The following STXBP4 variants were observed in gnomAD, a reference collection of about 807,000 sequenced individuals.
STXBP4 encodes the protein syntaxin binding protein 4.
STXBP4 carries 55 observed loss-of-function variants against 76.1 expected under a neutral mutation model. The ratio of observed to expected loss-of-function variants is 0.72; its 90% confidence interval spans 0.58 to 0.91. The LOEUF (loss-of-function observed/expected upper bound fraction) is 0.91. Among genes scored for constraint, STXBP4 ranks in the 40% least tolerant of loss-of-function variants. The probability of loss-of-function intolerance (pLI) is 0.00; values close to 1 mark genes in which losing one functional copy is unlikely to be tolerated. For synonymous variants in STXBP4, 201 were observed against 220.2 expected (o/e 0.91, Z 0.77); for missense variants, 618 against 636.9 (o/e 0.97, Z 0.32).
At chr17:55,053,580 A>G (rs1448540895) in intron 12 of STXBP4, among the ~76,000 whole-genome samples, 1 of 152,182 alleles carries the variant, frequency 6.6e-6, no homozygotes, top group Non-Finnish European at 1.5e-5. Context: ...GATATTCTTT[A>G]TACTATTCTT....
chr17:55,189,022 A>G, the STXBP4 span, among the ~76,000 whole-genome samples: 246 of 152,154 alleles, frequency 1.6e-3, 1 homozygote, highest in African/African-American at 5.5e-3. Context: ...CACCTCTGGG[A>G]AGACTTTTCT....
At chr17:55,200,225 G>A in the STXBP4 span, among the ~76,000 whole-genome samples, 2 of 151,970 alleles carry the variant, frequency 1.3e-5, no homozygotes, top group East Asian at 1.9e-4. Context: ...TTACTTAATC[G>A]CATCTCAATA....
chr17:55,058,961 A>G (rs927383673), intron 12 of STXBP4, among the ~76,000 whole-genome samples: 1 of 152,026 alleles, frequency 6.6e-6, no homozygotes, highest in African/African-American at 2.4e-5. Context: ...TGCTCACTTT[A>G]TATATATTTC....
intron 17 of STXBP4, among the ~76,000 whole-genome samples, chr17:55,147,054 C>T (rs2080165272): frequency 6.6e-6 from 1 of 152,186 alleles, no homozygotes; most frequent in African/African-American, 2.4e-5. Flanking sequence ...TTAGAGCATG[C>T]CTAGCAGATG....
chr17:55,010,521 A>G (rs1176042288), intron 8 of STXBP4, among the ~76,000 whole-genome samples: 1 of 152,148 alleles, frequency 6.6e-6, no homozygotes, highest in African/African-American at 2.4e-5. Flanking sequence ...TATGAATAGT[A>G]TATGTCTCAT....
intron 16 of STXBP4, among the ~76,000 whole-genome samples, chr17:55,104,166 G>A (rs2079600554): frequency 6.6e-6 from 1 of 152,112 alleles, no homozygotes; most frequent in Non-Finnish European, 1.5e-5. Context: ...ATATTATGTT[G>A]AATGGGGTGG....
the STXBP4 span, among the ~76,000 whole-genome samples, chr17:55,201,057 T>C: frequency 6.6e-6 from 1 of 152,194 alleles, no homozygotes; most frequent in Non-Finnish European, 1.5e-5. Flanking sequence ...CATTTCCCCA[T>C]GGTCAAAATT....
In STXBP4 at chr17:54,999,458, A is replaced by G. The variant is rs181690254; in HGVS notation, c.287+7A>G. On this transcript the variant is annotated splice_region_variant and intron_variant, in intron 5 of 17. Coordinates refer to ENST00000376352, the MANE Select transcript of STXBP4 (RefSeq NM_178509.6). ...TTACCGGAGCCAAGTTGAGGTAACT[A>G]TACTATCCATGAGATAGAATGAGTC... 4.9e-3 allele frequency: 7,806 copies of G among 1,602,272 alleles called. 61 individuals carry two copies. Among genetic ancestry groups the G allele is most frequent in the Non-Finnish European group, 5.2e-3 (6,152 of 1,172,010 alleles).
intron 11 of STXBP4, among the ~76,000 whole-genome samples, chr17:55,046,391 C>T (rs146059266): frequency 1.3e-5 from 2 of 151,962 alleles, no homozygotes; most frequent in East Asian, 3.9e-4. Context: ...TGAATCTTTA[C>T]CACTCAATTT....
chr17:54,982,914 C>G (rs2077570842), intron 1 of STXBP4, among the ~76,000 whole-genome samples: 1 of 152,118 alleles, frequency 6.6e-6, no homozygotes, highest in South Asian at 2.1e-4. Flanking sequence ...AATTAATTTT[C>G]CAGCATACTG....
chr17:54,981,384 C>CA (rs963368387), intron 1 of STXBP4, among the ~76,000 whole-genome samples: 1 of 151,058 alleles, frequency 6.6e-6, no homozygotes, highest in African/African-American at 2.4e-5. Context: ...TACAAATAAA[C>CA]AACCTAACCA....
intron 16 of STXBP4, among the ~76,000 whole-genome samples, chr17:55,114,911 T>C (rs2079763314): frequency 6.6e-6 from 1 of 151,944 alleles, no homozygotes; most frequent in Non-Finnish European, 1.5e-5. Context: ...GCAATTACTC[T>C]CCTGAATTGG....
At chr17:55,071,873 C>A (rs1344397190) in intron 12 of STXBP4, among the ~76,000 whole-genome samples, 1 of 152,110 alleles carries the variant, frequency 6.6e-6, no homozygotes, top group African/African-American at 2.4e-5. Flanking sequence ...GCAGAAAGTT[C>A]TATCGCAGAG....
intron 16 of STXBP4, among the ~76,000 whole-genome samples, chr17:55,117,680 C>G (rs1231771431): frequency 1.3e-5 from 2 of 151,258 alleles, no homozygotes; most frequent in Non-Finnish European, 1.5e-5. Context: ...CTAGCTATTT[C>G]TAAAGGTACA....
chr17:55,086,664 C>T (rs1350994645), intron 16 of STXBP4, among the ~76,000 whole-genome samples: 4 of 152,030 alleles, frequency 2.6e-5, no homozygotes, highest in African/African-American at 7.3e-5. Context: ...CTTATCCATT[C>T]GTCTGTTGTT....
At chr17:55,009,746 A>C (rs1384212669) in intron 8 of STXBP4, among the ~76,000 whole-genome samples, 1 of 152,012 alleles carries the variant, frequency 6.6e-6, no homozygotes, top group Admixed American at 6.6e-5. Context: ...TTTCAGTTTG[A>C]AACTATATTT....
At chr17:54,997,521 A>T (rs868780770) in intron 4 of STXBP4, among the ~76,000 whole-genome samples, 5 of 135,438 alleles carry the variant, frequency 3.7e-5, no homozygotes, top group Non-Finnish European at 6.6e-5. Context: ...AATTTTTTTT[A>T]AATTATATAT....
At chr17:55,020,131 C>A (rs562968660) in intron 8 of STXBP4, among the ~76,000 whole-genome samples, 1 of 152,110 alleles carries the variant, frequency 6.6e-6, no homozygotes, top group Non-Finnish European at 1.5e-5. Flanking sequence ...TTATCTGTTA[C>A]CCGTTCAATT....
intron 8 of STXBP4, among the ~76,000 whole-genome samples, chr17:55,023,966 C>T (rs1187572626): frequency 6.7e-6 from 1 of 148,202 alleles, no homozygotes; most frequent in African/African-American, 2.5e-5. Context: ...ATGCTCCAAC[C>T]CAAGGAAAAT....
Sources: gnomAD v4.1 joint callset for allele counts (sites outside exome capture counted in the v4.1 genomes callset) on GRCh38, gnomAD v4.1.1 for gene constraint, MANE v1.5 for transcripts, NCBI Gene and HGNC (gene_info 2026-07-23, HGNC 2026-07-21) for gene names.